BICC1: variants seen among roughly 807,000 people sequenced by gnomAD.
BICC1 encodes protein bicaudal C homolog 1.
Under a neutral mutation model 111.0 loss-of-function variants are expected in BICC1, and 43 were observed. That is an observed-to-expected ratio of 0.39 (90% CI 0.30 to 0.50). The LOEUF (loss-of-function observed/expected upper bound fraction) is 0.50. Among genes scored for constraint, BICC1 ranks in the 20% least tolerant of loss-of-function variants. The pLI, the probability that BICC1 is intolerant of heterozygous loss-of-function variation, is 0.88. For missense variants in BICC1, 1,091 were observed against 1,203.2 expected, an observed-to-expected ratio of 0.91 and a Z score of 1.38; for synonymous variants, 467 against 434.4, an observed-to-expected ratio of 1.07 and a Z score of -0.93.
intron 1 of BICC1, among the ~76,000 whole-genome samples, chr10:58,605,223 A>AT (rs1386273405): frequency 6.6e-6 from 1 of 152,174 alleles, no homozygotes; most frequent in Non-Finnish European, 1.5e-5. Flanking sequence ...ATATACGCAT[A>AT]GTTTAAAAAT....
chr10:58,771,300 T>C (rs1214349941), intron 3 of BICC1, among the ~76,000 whole-genome samples: 1 of 152,164 alleles, frequency 6.6e-6, no homozygotes, highest in Non-Finnish European at 1.5e-5. Context: ...ACAAAAATTA[T>C]GAGGAAATAG....
intron 2 of BICC1, among the ~76,000 whole-genome samples, chr10:58,683,924 G>A (rs1473575513): frequency 6.6e-6 from 1 of 152,176 alleles, no homozygotes; most frequent in Admixed American, 6.5e-5. Flanking sequence ...GAATAGGAGT[G>A]GTGAGAGAGG....
At chr10:58,793,430 T>A in intron 8 of BICC1, 54 bp from the exon 9 acceptor site, 8 of 1,485,256 alleles carry the variant, frequency 5.4e-6, no homozygotes, top group Non-Finnish European at 7.4e-6. Context: ...AATTATCAGG[T>A]GTTTAAATGA....
intron 1 of BICC1, among the ~76,000 whole-genome samples, chr10:58,538,385 A>G (rs7098184): frequency 0.028 from 4,245 of 152,052 alleles, 189 homozygotes; most frequent in African/African-American, 0.097. Context: ...AGGACATCCC[A>G]TTAAATAAAT....
intron 20 of BICC1, chr10:58,824,134 A>G (rs951875877): frequency 3.3e-5 from 32 of 980,400 alleles, no homozygotes; most frequent in Non-Finnish European, 3.8e-5. Flanking sequence ...TGTATTCCTG[A>G]TGCCTTGGTT....
chr10:58,550,375 G>T (rs115762565), intron 1 of BICC1, among the ~76,000 whole-genome samples: 1 of 151,976 alleles, frequency 6.6e-6, no homozygotes, highest in Non-Finnish European at 1.5e-5. Flanking sequence ...TATTTTCTCC[G>T]AATCTTTGGT....
At chr10:58,609,956 A>G (rs2132102897) in intron 1 of BICC1, among the ~76,000 whole-genome samples, 1 of 152,350 alleles carries the variant, frequency 6.6e-6, no homozygotes, top group Middle Eastern at 3.4e-3. Flanking sequence ...TGCTTATATA[A>G]GAAGAAATAG....
At chr10:58,542,432 GGAAAA>G (rs1474015881) in intron 1 of BICC1, among the ~76,000 whole-genome samples, 45 of 151,602 alleles carry the variant, frequency 3.0e-4, no homozygotes, top group Non-Finnish European at 5.3e-4. Context: ...AGAAAACAGG[GGAAAA>G]GCTTCATGAC....
At chr10:58,578,933 A>G (rs961481173) in intron 1 of BICC1, among the ~76,000 whole-genome samples, 3 of 152,192 alleles carry the variant, frequency 2.0e-5, no homozygotes, top group Admixed American at 2.0e-4. Context: ...ATACCTTGGC[A>G]GTGCCTTTTA....
chr10:58,789,192 T>C lies in BICC1; in HGVS notation c.601-70T>C. 11 of 1,293,610 alleles carry C rather than the reference T, an allele frequency of 8.5e-6. No homozygotes were observed. The South Asian group carries it at 1.4e-4, about 16-fold the overall frequency. The allele number at this position is 1,293,610 out of a possible 1,614,324, so 80.1% of individuals were successfully genotyped here. A position where few individuals can be genotyped will look rare whatever the true frequency, so the allele number is the denominator to read the frequency against. ...AAATCTATCTTCAGAAAAGAACCAATGAATGATACACATGTCTGAATGTCT... is the reference window on the plus strand; with the variant it reads ...AAATCTATCTTCAGAAAAGAACCAACGAATGATACACATGTCTGAATGTCT... On this transcript the variant is annotated intron_variant, in intron 6 of 20. Coordinates refer to ENST00000373886, the MANE Select transcript of BICC1 (RefSeq NM_001080512.3).
chr10:58,755,292 T>C (rs983338764), intron 3 of BICC1, among the ~76,000 whole-genome samples: 1 of 152,224 alleles, frequency 6.6e-6, no homozygotes, highest in Admixed American at 6.5e-5. Flanking sequence ...TTCTATTTCC[T>C]GCGCTATTGT....
At position 58,617,609 on chromosome 10, in the gene BICC1, G is replaced by A. The variant is rs149477329; in HGVS notation, c.191-3246G>A. Among the ~76,000 whole-genome samples, 430 of 152,360 alleles carry A rather than the reference G, an allele frequency of 2.8e-3. 3 individuals are homozygous for A. The highest frequency in any genetic ancestry group is 9.7e-3 in the African/African-American group (404 of 41,586). On this transcript the variant is annotated intron_variant, in intron 1 of 20. Transcript: ENST00000373886. ...GACGCCATATGGTTTGATACCAAGT[G>A]TGGACAAAGTAGCTAATGGGCTGAA...
chr10:58,635,042 G>A (rs746903960), intron 2 of BICC1, among the ~76,000 whole-genome samples: 23 of 152,096 alleles, frequency 1.5e-4, no homozygotes, highest in African/African-American at 4.6e-4. Flanking sequence ...TGGTAGACCC[G>A]TCACAGTTTA....
At chr10:58,601,140 T>TTATATATATATATATATATA (rs71033690) in intron 1 of BICC1, among the ~76,000 whole-genome samples, 179 of 100,538 alleles carry the variant, frequency 1.8e-3, no homozygotes, top group Non-Finnish European at 2.1e-3. Context: ...ATTTTAAAAC[T>TTATATATATATATATATATA]TATATATATA....
At chr10:58,563,051 T>TGTATACCAA (rs1843654191) in intron 1 of BICC1, among the ~76,000 whole-genome samples, 2 of 152,150 alleles carry the variant, frequency 1.3e-5, no homozygotes, top group African/African-American at 4.8e-5. Context: ...GTATACAGGT[T>TGTATACCAA]GCTGTATGGG....
chr10:58,740,106 T>G (rs1050044886), intron 3 of BICC1, among the ~76,000 whole-genome samples: 5 of 152,184 alleles, frequency 3.3e-5, no homozygotes, highest in African/African-American at 1.2e-4. Context: ...GGTTCCTACT[T>G]CATAGGATGG....
At chr10:58,575,890 G>C (rs1389291182) in intron 1 of BICC1, among the ~76,000 whole-genome samples, 1 of 152,126 alleles carries the variant, frequency 6.6e-6, no homozygotes, top group Non-Finnish European at 1.5e-5. Context: ...GAGCGTTATA[G>C]CTTTGGATGA....
intron 14 of BICC1, among the ~76,000 whole-genome samples, chr10:58,802,751 A>G (rs1008111286): frequency 1.3e-5 from 2 of 152,218 alleles, no homozygotes; most frequent in Non-Finnish European, 2.9e-5. Context: ...TATCATATGC[A>G]GTATACCATA....
intron 2 of BICC1, among the ~76,000 whole-genome samples, chr10:58,656,405 T>A (rs11498157): frequency 6.6e-6 from 1 of 150,890 alleles, no homozygotes; most frequent in Non-Finnish European, 1.5e-5. Flanking sequence ...AAAAAAGAGA[T>A]TTTTAGACCA....
Sources: gnomAD v4.1 joint callset for allele counts (sites outside exome capture counted in the v4.1 genomes callset) on GRCh38, gnomAD v4.1.1 for gene constraint, MANE v1.5 for transcripts, NCBI Gene and HGNC (gene_info 2026-07-23, HGNC 2026-07-21) for gene names.